The following TRRAP variants were observed in gnomAD, a reference collection of about 807,000 sequenced individuals.
The protein encoded by TRRAP is transformation/transcription domain-associated protein.
TRRAP carries 41 observed loss-of-function variants against 438.8 expected under a neutral mutation model. That is an observed-to-expected ratio of 0.09 (90% confidence interval 0.07 to 0.12). The LOEUF is 0.12. Ranked by LOEUF, TRRAP falls within the 10% of genes least tolerant of loss-of-function variation. The pLI, the probability that TRRAP is intolerant of heterozygous loss-of-function variation, is 1.00. For synonymous variants in TRRAP, 1,994 were observed against 1,962.9 expected, an observed-to-expected ratio of 1.02 and a Z score of -0.42; for missense variants, 3,122 against 5,055.1, an observed-to-expected ratio of 0.62 and a Z score of 11.60.
At chr7:98,918,917 A>G (rs1241993409) in intron 20 of TRRAP, among the ~76,000 whole-genome samples, 1 of 151,412 alleles carries the variant, frequency 6.6e-6, no homozygotes, top group Non-Finnish European at 1.5e-5. Context: ...TTAGCCAGGC[A>G]TGGTAGCAAG....
At chr7:99,008,355 G>T in intron 69 of TRRAP, 22 bp from the exon 70 acceptor site, 1 of 1,611,198 alleles carries the variant, frequency 6.2e-7, no homozygotes, top group South Asian at 1.1e-5. Context: ...AGCCTGCCCC[G>T]TTTCTCTTCC....
At chr7:98,891,245 T>C (rs1795966640) in intron 4 of TRRAP, among the ~76,000 whole-genome samples, 1 of 142,650 alleles carries the variant, frequency 7.0e-6, no homozygotes, top group Non-Finnish European at 1.5e-5. Context: ...GGAGTCTCGC[T>C]CTGTCACCCA....
At chr7:98,988,740 G>C in intron 62 of TRRAP, 25 bp from the exon 63 acceptor site, 1 of 1,610,612 alleles carries the variant, frequency 6.2e-7, no homozygotes, top group Non-Finnish European at 8.5e-7. Context: ...AACCATACAC[G>C]TTTTGGTTTT....
chr7:98,900,057 T>A (rs1332447112), intron 10 of TRRAP, among the ~76,000 whole-genome samples: 1 of 152,174 alleles, frequency 6.6e-6, no homozygotes, highest in African/African-American at 2.4e-5. Flanking sequence ...TTGCTCACCT[T>A]CAAGACTTTG....
At position 99,004,415 on chromosome 7, in the gene TRRAP, G is replaced by A; in HGVS notation, c.10535G>A (p.Arg3512Gln). The A allele has an allele frequency of 1.2e-6, 2 of 1,611,458 alleles. No individual in the cohort carries two copies. Among genetic ancestry groups the A allele is most frequent in the Non-Finnish European group, 8.5e-7 (1 of 1,178,168 alleles). ...ACGCATTATTACATCAAGATTGCACGGTGAGTGGGCCAGCCTGGCAGGTGG... is the reference window on the plus strand; with the variant it reads ...ACGCATTATTACATCAAGATTGCACAGTGAGTGGGCCAGCCTGGCAGGTGG... ...KPTHYYIKIARFMPRVEIVQK... is the reference protein window; with the variant it reads ...KPTHYYIKIAQFMPRVEIVQK... Residue 3512 changes from arginine to glutamine, a missense_variant and splice_region_variant, in exon 68 of 73, where the codon CGG (arginine) becomes CAG (glutamine). This residue lies in a region of TRRAP where 95 missense variants were observed against 144.1 expected (regional missense o/e 0.66). Coordinates refer to ENST00000456197, the MANE Select transcript of TRRAP (RefSeq NM_001375524.1).
Position 98,933,381 on chromosome 7 carries a change from G to A in TRRAP, c.3993G>A (p.Glu1331=), listed in dbSNP as rs782066206. 3 of 1,613,984 alleles carry A rather than the reference G, an allele frequency of 1.9e-6. No individual in the cohort carries two copies. The South Asian group carries it at 3.3e-5, about 18-fold the overall frequency. The stretch of plus-strand genomic sequence containing the variant: ...TCACAATGGACCTTAACGTGGTGGA[G>A]CATAAGGTGTTCTACACAGAGGTAG... ...RLFTMDLNVV[E]HKVFYTELLN... The change falls in exon 27 of 73, where the codon GAG becomes GAA. Residue 1331 remains glutamate (E), a synonymous_variant. Coordinates refer to ENST00000456197, the MANE Select transcript of TRRAP (RefSeq NM_001375524.1).
chr7:98,959,630 C>A, intron 45 of TRRAP, 140 bp downstream of exon 45: 4 of 1,241,642 alleles, frequency 3.2e-6, no homozygotes, highest in Non-Finnish European at 2.2e-6. Context: ...CTTTGCCAGT[C>A]ATGGCCTCTC....
chr7:98,976,165 G>A lies in TRRAP; in HGVS notation c.7856G>A (p.Ser2619Asn). Residue 2619 changes from serine (S) to asparagine (N), a missense_variant, in exon 54 of 73, where the codon AGC becomes AAC. Physicochemically the swap from Ser to Asn is conservative, Grantham distance 46. This residue lies in a region of TRRAP where 992 missense variants were observed against 1,281.2 expected (regional missense o/e 0.77). Coordinates refer to ENST00000456197, the MANE Select transcript of TRRAP (RefSeq NM_001375524.1). The surrounding 1 kb of genome is among the most constrained non-coding windows in gnomAD (Gnocchi z 4.6). ...TGTTCATAGACTGGAGCGCTGCTCAGCGCTTTCGTTCAGCTGTGCCACATT... is the reference window on the plus strand; with the variant it reads ...TGTTCATAGACTGGAGCGCTGCTCAACGCTTTCGTTCAGCTGTGCCACATT... ...LREVKTGALL[S>N]AFVQLCHIST... 6.2e-7 allele frequency: 1 copy of A among 1,614,014 alleles called. No homozygotes were observed. Among genetic ancestry groups the A allele is most frequent in the Non-Finnish European group, 8.5e-7 (1 of 1,179,934 alleles).
chr7:98,980,038 T>G (rs1792842876), intron 58 of TRRAP, among the ~76,000 whole-genome samples: 1 of 152,142 alleles, frequency 6.6e-6, no homozygotes, highest in South Asian at 2.1e-4. Flanking sequence ...AATGTTCGAG[T>G]CCAGACCCTG....
intron 20 of TRRAP, among the ~76,000 whole-genome samples, chr7:98,921,492 C>T (rs1554410505): frequency 6.6e-6 from 1 of 152,180 alleles, no homozygotes; most frequent in African/African-American, 2.4e-5. Context: ...TCTCCCACCT[C>T]AGCATCCCAA....
At chr7:98,913,745 C>T (rs936865953) in intron 18 of TRRAP, among the ~76,000 whole-genome samples, 1 of 152,176 alleles carries the variant, frequency 6.6e-6, no homozygotes, top group Non-Finnish European at 1.5e-5. Flanking sequence ...TCCCATCATA[C>T]ATTTTTATGG....
At position 98,945,793 on chromosome 7, in the gene TRRAP, A is replaced by C. The variant is rs782426288; in HGVS notation, c.4520A>C (p.Gln1507Pro). 7.5e-6 allele frequency: 12 copies of C among 1,598,240 alleles called. No individual in the cohort carries two copies. The highest frequency in any genetic ancestry group is 1.0e-5 in the Non-Finnish European group (12 of 1,179,700). ...AGATGTCCCTTGTCTCCATTCTGTCAGTTTGAGGTGAGAACAACCTATTAA... is the reference window on the plus strand; with the variant it reads ...AGATGTCCCTTGTCTCCATTCTGTCCGTTTGAGGTGAGAACAACCTATTAA... ...CGRCPLSPFC[Q>P]FEPAMEGVEE... is the part of the protein sequence containing the mutation. The change falls in exon 32 of 73, where the codon CAG (glutamine) becomes CCG (proline). Residue 1507 changes from glutamine to proline, a missense_variant. This residue lies in a region of TRRAP where 108 missense variants were observed against 256.9 expected (regional missense o/e 0.42). Transcript: ENST00000456197.
chr7:98,964,384 G>A (rs567743746), intron 47 of TRRAP, among the ~76,000 whole-genome samples: 3 of 152,228 alleles, frequency 2.0e-5, no homozygotes, highest in Admixed American at 1.3e-4. Context: ...AGGTAAGAAC[G>A]TTGTTTCTAC....
intron 4 of TRRAP, among the ~76,000 whole-genome samples, chr7:98,892,033 G>A (rs986246383): frequency 4.6e-5 from 7 of 152,124 alleles, no homozygotes; most frequent in Admixed American, 6.5e-5. Flanking sequence ...GGTAGTTGGC[G>A]ATAGCATTAT....
Position 99,011,944 on chromosome 7 carries a change from G to A in TRRAP, c.11338-127G>A. The A allele has an allele frequency of 8.0e-7, 1 of 1,251,290 alleles. No homozygotes were observed. The highest frequency in any genetic ancestry group is 1.1e-6 in the Non-Finnish European group (1 of 909,074). The allele number at this position is 1,251,290 out of a possible 1,614,324, so 77.5% of individuals were successfully genotyped here. On this transcript the variant is annotated intron_variant, in intron 72 of 72. Coordinates refer to ENST00000456197, the MANE Select transcript of TRRAP (RefSeq NM_001375524.1). This position sits in a 1 kb window ranked among gnomAD's most constrained non-coding sequence, Gnocchi z 7.1. ...CTGAGGGCACACAGCCTGGCCTGGT[G>A]CTGAAACTCGACTGGCCCTTGGTGG...
chr7:98,976,796 T>C lies in TRRAP; in HGVS notation c.8247+26T>C, dbSNP rs1468110823. On this transcript the variant is annotated intron_variant, in intron 55 of 72. Coordinates refer to ENST00000456197, the MANE Select transcript of TRRAP (RefSeq NM_001375524.1). The surrounding 1 kb of genome is among the most constrained non-coding windows in gnomAD (Gnocchi z 4.6). ...GTGAGGGTGCGCCTCAGTTTGTTAA[T>C]TACCTCTTCCCTGCCAGTGACTTCA... 9 of 1,608,132 alleles carry C rather than the reference T, an allele frequency of 5.6e-6. No homozygotes were observed. The highest frequency in any genetic ancestry group is 1.3e-5 in the African/African-American group (1 of 74,772).
chr7:98,925,285 G>T, intron 22 of TRRAP, 22 bp downstream of exon 22: 1 of 1,609,312 alleles, frequency 6.2e-7, no homozygotes, highest in Non-Finnish European at 8.5e-7. Context: ...ACTTCCTTCT[G>T]TGTGGTTGGG....
At chr7:98,937,066 AAAT>A (rs1301144245) in intron 28 of TRRAP, 87 bp from the exon 29 acceptor site, 48 of 1,426,024 alleles carry the variant, frequency 3.4e-5, no homozygotes, top group East Asian at 1.1e-4. Context: ...CTTCTCTACC[AAAT>A]AATAATAATA....
Position 99,011,465 on chromosome 7 carries a change from T to C in TRRAP, c.11267T>C (p.Ile3756Thr), listed in dbSNP as rs1165877438. ...TPNISEFLTT[I>T]GVSGPLTASM... ...AACATTTCTGAGTTTCTGACCACCA[T>C]CGGGGTCTCCGGCCCGTTGACAGCG... Residue 3756 changes from isoleucine (I) to threonine (T), a missense_variant, in exon 72 of 73, where the codon ATC becomes ACC. By Grantham distance (89) the Ile-to-Thr change is moderately conservative. Transcript: ENST00000456197. The surrounding 1 kb of genome is among the most constrained non-coding windows in gnomAD (Gnocchi z 7.1). 1 of 1,614,268 alleles carries C rather than the reference T, an allele frequency of 6.2e-7. No individual in the cohort carries two copies. The highest frequency in any genetic ancestry group is 8.5e-7 in the Non-Finnish European group (1 of 1,180,052).
Sources: allele counts gnomAD v4.1 joint callset (sites outside exome capture counted in the v4.1 genomes callset), GRCh38; gene constraint gnomAD v4.1.1; regional missense constraint gnomAD v4.1.1; non-coding constraint Gnocchi (gnomAD v3.1); transcripts MANE v1.5; gene names NCBI Gene and HGNC (gene_info 2026-07-23, HGNC 2026-07-21).